Variants in MALRD1 observed in about 807,000 individuals in gnomAD.
MALRD1 encodes MAM and LDL-receptor class A domain-containing protein 1.
A neutral mutation model predicts 242.1 loss-of-function variants in MALRD1; 247 were observed. The ratio of observed to expected loss-of-function variants is 1.02; its 90% CI spans 0.92 to 1.13. MALRD1 has a LOEUF of 1.13. Among genes scored for constraint, MALRD1 ranks in the 50% most tolerant of loss-of-function variants. The pLI is 0.00. For synonymous variants in MALRD1, 995 were observed against 866.6 expected (o/e 1.15, Z -2.60); for missense variants, 2,989 against 2,533.1 (o/e 1.18, Z -3.86).
At chr10:19,540,791 A>C (rs1834932229) in intron 32 of MALRD1, among the ~76,000 whole-genome samples, 1 of 152,188 alleles carries the variant, frequency 6.6e-6, no homozygotes, top group African/African-American at 2.4e-5. Flanking sequence ...TATTCACTTA[A>C]ATTTACAAAA....
chr10:19,282,166 G>A (rs895359248), intron 20 of MALRD1, among the ~76,000 whole-genome samples: 13 of 152,060 alleles, frequency 8.5e-5, no homozygotes, highest in Non-Finnish European at 1.6e-4. Context: ...ATGATATGAA[G>A]AACAGAGATA....
chr10:19,256,415 T>C (rs1192118183), intron 18 of MALRD1, among the ~76,000 whole-genome samples: 1 of 152,122 alleles, frequency 6.6e-6, no homozygotes, highest in African/African-American at 2.4e-5. Context: ...AAACATTCTT[T>C]ATACATTTTT....
chr10:19,531,457 C>T (rs925606235), intron 32 of MALRD1, 106 bp downstream of exon 32: 31 of 1,062,306 alleles, frequency 2.9e-5, no homozygotes, highest in Non-Finnish European at 4.0e-5. Context: ...ACCGCCAGTG[C>T]TGATGCCATT....
intron 28 of MALRD1, among the ~76,000 whole-genome samples, chr10:19,408,878 C>G (rs1379102424): frequency 6.6e-6 from 1 of 152,158 alleles, no homozygotes; most frequent in African/African-American, 2.4e-5. Context: ...TTGGCAGTTT[C>G]TCAAAAACAA....
At chr10:19,395,132 C>T (rs1846521367) in intron 28 of MALRD1, among the ~76,000 whole-genome samples, 1 of 152,120 alleles carries the variant, frequency 6.6e-6, no homozygotes, top group African/African-American at 2.4e-5. Context: ...TACTAGTGTA[C>T]TTGGCCAAAT....
At chr10:19,701,693 C>A (rs1349906750) in intron 38 of MALRD1, among the ~76,000 whole-genome samples, 3 of 142,030 alleles carry the variant, frequency 2.1e-5, no homozygotes, top group Non-Finnish European at 4.6e-5. Flanking sequence ...CCTCCCCTCC[C>A]CTTCCTCTTC....
intron 13 of MALRD1, among the ~76,000 whole-genome samples, chr10:19,171,402 T>C (rs1194508343): frequency 6.9e-6 from 1 of 144,242 alleles, no homozygotes; most frequent in African/African-American, 2.6e-5. Flanking sequence ...GAAAGGGAAT[T>C]GGTCACAACA....
At chr10:19,061,137 G>A (rs7096141) in intron 1 of MALRD1, among the ~76,000 whole-genome samples, 13,450 of 152,198 alleles carry the variant, frequency 0.088, 733 homozygotes, top group East Asian at 0.27. Flanking sequence ...GGGTCATCAG[G>A]AGGGAGAGCA....
intron 28 of MALRD1, among the ~76,000 whole-genome samples, chr10:19,400,074 C>T (rs970173376): frequency 6.6e-6 from 1 of 152,086 alleles, no homozygotes. Context: ...TCATTCATTG[C>T]GATTTAAACA....
chr10:19,423,526 A>G (rs1287047728), intron 28 of MALRD1, among the ~76,000 whole-genome samples: 1 of 152,148 alleles, frequency 6.6e-6, no homozygotes, highest in African/African-American at 2.4e-5. Context: ...TAAACAAAAT[A>G]CATTAAGCCG....
At chr10:19,625,062 G>GAGAC (rs1325930083) in intron 36 of MALRD1, among the ~76,000 whole-genome samples, 1 of 150,828 alleles carries the variant, frequency 6.6e-6, no homozygotes, top group Admixed American at 6.6e-5. Context: ...ATTTTAAAAA[G>GAGAC]AGAGAGAGAG....
intron 14 of MALRD1, among the ~76,000 whole-genome samples, chr10:19,185,029 T>C (rs1329709729): frequency 6.6e-6 from 1 of 152,256 alleles, no homozygotes; most frequent in East Asian, 1.9e-4. Context: ...CCTATTTTTG[T>C]GAACAAATAC....
At chr10:19,331,671 T>G (rs1843379570) in intron 24 of MALRD1, 89 bp downstream of exon 24, 2 of 1,038,970 alleles carry the variant, frequency 1.9e-6, no homozygotes, top group Admixed American at 4.3e-5. Context: ...ACATGCAGAG[T>G]GTGTGTATCT....
intron 36 of MALRD1, among the ~76,000 whole-genome samples, chr10:19,640,725 A>G (rs1002761596): frequency 2.0e-5 from 3 of 152,132 alleles, no homozygotes; most frequent in African/African-American, 7.2e-5. Flanking sequence ...TTCTTTTAAA[A>G]TTTCATTTTT....
chr10:19,242,615 T>C (rs1370540261), intron 18 of MALRD1, among the ~76,000 whole-genome samples: 2 of 152,156 alleles, frequency 1.3e-5, no homozygotes, highest in East Asian at 3.8e-4. Context: ...GGTACGTATA[T>C]AGTTACACCT....
At chr10:19,539,546 C>T (rs1395628354) in intron 32 of MALRD1, among the ~76,000 whole-genome samples, 2 of 152,146 alleles carry the variant, frequency 1.3e-5, no homozygotes, top group Admixed American at 6.5e-5. Context: ...AAAATGGCAT[C>T]ATGGTTACTT....
At chr10:19,301,554 C>A (rs1017893212) in intron 21 of MALRD1, among the ~76,000 whole-genome samples, 31 of 151,660 alleles carry the variant, frequency 2.0e-4, no homozygotes, top group African/African-American at 7.5e-4. Flanking sequence ...GAGATCATGC[C>A]CTTTGCAGTG....
intron 19 of MALRD1, among the ~76,000 whole-genome samples, chr10:19,263,366 T>A (rs1839836819): frequency 6.6e-6 from 1 of 152,218 alleles, no homozygotes; most frequent in African/African-American, 2.4e-5. Flanking sequence ...TCATTGTAGT[T>A]TTGATTTGCA....
intron 30 of MALRD1, among the ~76,000 whole-genome samples, chr10:19,494,440 G>A (rs1275269653): frequency 6.6e-6 from 1 of 152,168 alleles, no homozygotes; most frequent in Non-Finnish European, 1.5e-5. Context: ...TGAGATGGCT[G>A]AAATGGCACA....
Sources: gnomAD v4.1 joint callset for allele counts (sites outside exome capture counted in the v4.1 genomes callset) on GRCh38, gnomAD v4.1.1 for gene constraint, MANE v1.5 for transcripts, NCBI Gene and HGNC (gene_info 2026-07-23, HGNC 2026-07-21) for gene names.